The following EDA variants were observed in gnomAD, a reference collection of about 807,000 sequenced individuals.
The protein encoded by EDA is ectodysplasin A.
In EDA, 2 loss-of-function variants were observed where a neutral mutation model predicts 23.6. The observed-to-expected ratio is 0.08, with a 90% CI of 0.03 to 0.27. The LOEUF is 0.27. Among genes scored for constraint, EDA ranks in the 10% least tolerant of loss-of-function variants. EDA has a pLI of 1.00. For missense variants in EDA, 229 were observed against 324.2 expected (o/e 0.71, Z 2.26); for synonymous variants, 131 against 132.0 (o/e 0.99, Z 0.05).
At chrX:69,725,175 A>C (rs1483444800) in intron 1 of EDA, among the ~76,000 whole-genome samples, 1 of 111,868 alleles carries the variant, frequency 8.9e-6, no homozygotes, top group Non-Finnish European at 1.9e-5. Flanking sequence ...ATTATTTATT[A>C]ACTGCCTTGA....
chrX:69,783,508 A>C (rs750648254), intron 1 of EDA, among the ~76,000 whole-genome samples: 1 of 102,397 alleles, frequency 9.8e-6, no homozygotes, highest in African/African-American at 3.6e-5. Flanking sequence ...TCATTGTTCA[A>C]TTCCCACCTA....
At chrX:69,791,567 G>A (rs1046369839) in intron 1 of EDA, among the ~76,000 whole-genome samples, 1 of 112,068 alleles carries the variant, frequency 8.9e-6, no homozygotes, top group African/African-American at 3.2e-5. Flanking sequence ...AATTAAAGCT[G>A]TAATTCATGA....
At chrX:69,883,429 G>T (rs1003053192) in intron 1 of EDA, among the ~76,000 whole-genome samples, 4 of 111,886 alleles carry the variant, frequency 3.6e-5, no homozygotes, top group Non-Finnish European at 7.5e-5. Context: ...ACTCAAGGTG[G>T]GCAGATGAAT....
chrX:69,890,322 A>G lies in EDA; in HGVS notation c.397-66705A>G, dbSNP rs1049719921. ...CTGCCCAGAGCAATTTAAAGATTCAATGCCATTCACATTAAATTACCAGTG... is the reference window on the plus strand; with the variant it reads ...CTGCCCAGAGCAATTTAAAGATTCAGTGCCATTCACATTAAATTACCAGTG... On this transcript the variant is annotated intron_variant, in intron 1 of 7. Transcript: ENST00000374552. 2.1e-4 allele frequency among the ~76,000 whole-genome samples: 23 copies of G among 111,020 alleles called. 1 individual carries two copies. Among genetic ancestry groups the G allele is most frequent in the African/African-American group, 6.2e-4 (19 of 30,510 alleles).
chrX:69,665,484 G>A (rs1001222073), intron 1 of EDA, among the ~76,000 whole-genome samples: 8 of 111,140 alleles, frequency 7.2e-5, no homozygotes, highest in African/African-American at 2.6e-4. Flanking sequence ...AATTTATTAT[G>A]GTATAAGCTA....
intron 1 of EDA, among the ~76,000 whole-genome samples, chrX:69,810,530 G>A (rs6624436): frequency 0.17 from 18,343 of 106,750 alleles, 2,433 homozygotes; most frequent in East Asian, 0.71. Flanking sequence ...GTCAAGGCAG[G>A]TGGATCACCT....
chrX:69,709,617 A>G (rs751693992), intron 1 of EDA, among the ~76,000 whole-genome samples: 1 of 111,707 alleles, frequency 9.0e-6, no homozygotes. Context: ...TAATGAACCC[A>G]TACTAGCTCC....
rs1386803572 is a variant in EDA, at chrX:69,964,548, A to G, written c.502+7416A>G. Among the ~76,000 whole-genome samples, 4 of 112,168 alleles carry G rather than the reference A, an allele frequency of 3.6e-5. No individual in the cohort carries two copies. The East Asian group carries it at 1.1e-3, about 31-fold the overall frequency. On this transcript the variant is annotated intron_variant, in intron 2 of 7. Coordinates refer to ENST00000374552, the MANE Select transcript of EDA (RefSeq NM_001399.5). ...ATAGCTAGGCTAGTTTTAGCCAATC[A>G]GATGATGTCTATGTCTAGATGATTA...
At chrX:69,646,819 G>T in intron 1 of EDA, among the ~76,000 whole-genome samples, 1 of 111,968 alleles carries the variant, frequency 8.9e-6, no homozygotes, top group Non-Finnish European at 1.9e-5. Context: ...AGTGTGTTTT[G>T]TAGTGGCCAG....
intron 1 of EDA, among the ~76,000 whole-genome samples, chrX:69,945,001 C>T (rs2018813954): frequency 1.8e-5 from 2 of 111,936 alleles, no homozygotes; most frequent in Non-Finnish European, 3.8e-5. Flanking sequence ...GCTCTCCCTC[C>T]CCAAAGTGCA....
At chrX:69,731,631 G>A (rs777151471) in intron 1 of EDA, among the ~76,000 whole-genome samples, 57 of 110,508 alleles carry the variant, frequency 5.2e-4, no homozygotes, top group Non-Finnish European at 7.9e-4. Context: ...TAGTAGAGAT[G>A]GGGTTTCACC....
chrX:69,754,959 C>T (rs910700341), intron 1 of EDA, among the ~76,000 whole-genome samples: 1 of 111,580 alleles, frequency 9.0e-6, no homozygotes, highest in Admixed American at 9.5e-5. Context: ...TTTGTCTAGT[C>T]TTTTTTCAAG....
rs2016688849 is a variant in EDA at position 69,833,750 on chromosome X, C to T, written c.397-123277C>T. ...GTTATTGGTCTATTCAGAGATTCAA[C>T]TTCTTTCTGGTTTAGTCTTGGGAAG... On this transcript the variant is annotated intron_variant, in intron 1 of 7. Coordinates refer to ENST00000374552, the MANE Select transcript of EDA (RefSeq NM_001399.5). Among the ~76,000 whole-genome samples, 5 of 111,022 alleles carry T rather than the reference C, an allele frequency of 4.5e-5. 1 individual carries two copies. In the South Asian group the frequency reaches 1.9e-3, roughly 42 times the overall value.
At chrX:69,964,764 G>A (rs550762576) in intron 2 of EDA, among the ~76,000 whole-genome samples, 1 of 111,464 alleles carries the variant, frequency 9.0e-6, no homozygotes, top group East Asian at 2.8e-4. Flanking sequence ...AGATATAGAT[G>A]TGCGGTCAGA....
At chrX:69,762,655 T>A (rs752653634) in intron 1 of EDA, among the ~76,000 whole-genome samples, 1 of 112,164 alleles carries the variant, frequency 8.9e-6, no homozygotes, top group Non-Finnish European at 1.9e-5. Flanking sequence ...TTCAAATTAA[T>A]TTTTAAGATG....
chrX:69,721,108 G>A lies in EDA; in HGVS notation c.396+104404G>A, dbSNP rs907287703. On this transcript the variant is annotated intron_variant, in intron 1 of 7. Transcript: ENST00000374552. Reference sequence around the variant, plus strand: ...TTTGTGGTGTTATTTTGGTTTGCTTGGTTTATCTGGTGCTGCTGGGGCTTC... The same window carrying A: ...TTTGTGGTGTTATTTTGGTTTGCTTAGTTTATCTGGTGCTGCTGGGGCTTC... 9.8e-5 allele frequency among the ~76,000 whole-genome samples: 11 copies of A among 111,743 alleles called. No individual in the cohort carries two copies. In the Admixed American group the frequency reaches 1.0e-3, roughly 11 times the overall value.
At chrX:69,619,740 T>C (rs1018575549) in intron 1 of EDA, among the ~76,000 whole-genome samples, 3 of 112,064 alleles carry the variant, frequency 2.7e-5, no homozygotes, top group Non-Finnish European at 5.6e-5. Context: ...TACAGTAATA[T>C]GATCGTCAGA....
intron 1 of EDA, among the ~76,000 whole-genome samples, chrX:69,956,305 T>TTC (rs1556038828): frequency 3.4e-5 from 2 of 59,343 alleles, no homozygotes; most frequent in African/African-American, 1.3e-4. Context: ...CTTTCTTTCT[T>TTC]TCTTTCTCTT....
intron 1 of EDA, among the ~76,000 whole-genome samples, chrX:69,764,268 A>C (rs1174245846): frequency 1.3e-5 from 1 of 75,255 alleles, no homozygotes; most frequent in African/African-American, 5.8e-5. Context: ...TTTGAGACAG[A>C]GTCTCACTCT....
Sources: allele counts gnomAD v4.1 joint callset (sites outside exome capture counted in the v4.1 genomes callset), GRCh38; gene constraint gnomAD v4.1.1; transcripts MANE v1.5; gene names NCBI Gene and HGNC (gene_info 2026-07-23, HGNC 2026-07-21).